NFATC1: variants seen among roughly 807,000 people sequenced by gnomAD.
NFATC1 encodes the protein nuclear factor of activated T cells 1.
A neutral mutation model predicts 76.0 loss-of-function variants in NFATC1; 22 were observed. The ratio of observed to expected loss-of-function variants is 0.29; its 90% CI spans 0.21 to 0.41. NFATC1 has a LOEUF of 0.41. Ranked by LOEUF, NFATC1 falls within the 10% of genes least tolerant of loss-of-function variation. NFATC1 has a pLI of 1.00. For synonymous variants in NFATC1, 704 were observed against 613.1 expected, an observed-to-expected ratio of 1.15 and a Z score of -2.19; for missense variants, 1,357 against 1,337.7, an observed-to-expected ratio of 1.01 and a Z score of -0.23.
At chr18:79,426,408 G>T (rs904509468) in intron 2 of NFATC1, among the ~76,000 whole-genome samples, 1 of 152,158 alleles carries the variant, frequency 6.6e-6, no homozygotes, top group South Asian at 2.1e-4. Flanking sequence ...AGGCCACGGG[G>T]GCCACTGTCC....
At chr18:79,397,695 T>A (rs1442158355) in intron 1 of NFATC1, among the ~76,000 whole-genome samples, 2 of 152,194 alleles carry the variant, frequency 1.3e-5, no homozygotes, top group Admixed American at 6.5e-5. Flanking sequence ...TACGCCGCAG[T>A]GTTCATTATC....
In NFATC1 at chr18:79,410,454, C is replaced by G; in HGVS notation, c.179C>G (p.Thr60Arg). ...GTCAGCCCCGCCCTGCCGCTCCCCA[C>G]GGCGCACTCCACCCTGCCGGCCCCG... Reference protein sequence around the residue: ...SNVSPALPLPTAHSTLPAPCH... With the variant: ...SNVSPALPLPRAHSTLPAPCH... Residue 60 changes from threonine to arginine, a missense_variant, in exon 2 of 10, where the codon ACG becomes AGG. This residue lies in a region of NFATC1 where 691 missense variants were observed against 613.1 expected (regional missense o/e 1.13). Coordinates refer to ENST00000427363, the MANE Select transcript of NFATC1 (RefSeq NM_001278669.2). The surrounding 1 kb of genome is among the most constrained non-coding windows in gnomAD (Gnocchi z 6.7). 2 of 1,612,262 alleles carry G rather than the reference C, an allele frequency of 1.2e-6. No individual in the cohort carries two copies. Among genetic ancestry groups the G allele is most frequent in the Non-Finnish European group, 1.7e-6 (2 of 1,179,792 alleles).
At chr18:79,444,389 A>G (rs1311288779) in intron 3 of NFATC1, among the ~76,000 whole-genome samples, 7 of 152,158 alleles carry the variant, frequency 4.6e-5, no homozygotes, top group Admixed American at 4.6e-4. Context: ...GGGAACCAGG[A>G]CAAGAGGTGT....
At chr18:79,400,263 GGGGGC>G (rs1184203275) in intron 1 of NFATC1, 163 of 1,169,692 alleles carry the variant, frequency 1.4e-4, no homozygotes, top group Non-Finnish European at 1.6e-4. Context: ...CCCGGGGGGC[GGGGGC>G]GGGGCGGGGA....
At chr18:79,521,469 A>G (rs1389750584) in intron 9 of NFATC1, among the ~76,000 whole-genome samples, 7 of 30,664 alleles carry the variant, frequency 2.3e-4, no homozygotes, top group East Asian at 2.5e-3. Context: ...ACTGATGTGT[A>G]TGTGTGTGTG....
rs766336119 is a variant in NFATC1, at chr18:79,486,876, C to G, written c.2721C>G (p.Ala907=). The change falls in exon 9 of 10, where the codon GCC becomes GCG. Residue 907 remains alanine (A), a synonymous_variant. Coordinates refer to ENST00000427363, the MANE Select transcript of NFATC1 (RefSeq NM_001278669.2). Reference sequence around the variant, plus strand: ...ATGAGGACGGTAGTCCTAATTTGGCCCCTATTCCTGTAACGGTCAAGCGAG... The same window carrying G: ...ATGAGGACGGTAGTCCTAATTTGGCGCCTATTCCTGTAACGGTCAAGCGAG... ...EVHEDGSPNL[A]PIPVTVKREP... is the part of the protein sequence containing the mutation. The G allele has an allele frequency of 1.9e-6, 3 of 1,611,182 alleles. No individual in the cohort carries two copies. In the Admixed American group the frequency reaches 5.0e-5, roughly 27 times the overall value.
At chr18:79,412,041 C>T (rs1293188110) in intron 2 of NFATC1, among the ~76,000 whole-genome samples, 1 of 152,254 alleles carries the variant, frequency 6.6e-6, no homozygotes. Flanking sequence ...AGCACCCAGT[C>T]CGCCACGCTT....
At chr18:79,415,527 C>G (rs1052573136) in intron 2 of NFATC1, among the ~76,000 whole-genome samples, 2 of 151,940 alleles carry the variant, frequency 1.3e-5, no homozygotes, top group African/African-American at 4.8e-5. Context: ...CGTGATCCAC[C>G]CGCCTCGGCC....
intron 2 of NFATC1, among the ~76,000 whole-genome samples, chr18:79,423,760 C>T (rs1356497166): frequency 6.6e-6 from 1 of 152,228 alleles, no homozygotes; most frequent in African/African-American, 2.4e-5. Flanking sequence ...CCGATTCCAT[C>T]TTTCCTGCTG....
At chr18:79,520,201 G>C (rs1281021764) in intron 9 of NFATC1, among the ~76,000 whole-genome samples, 1 of 139,410 alleles carries the variant, frequency 7.2e-6, no homozygotes, top group Non-Finnish European at 1.6e-5. Flanking sequence ...CACGGGAGGG[G>C]ATCCCCCGCT....
intron 2 of NFATC1, among the ~76,000 whole-genome samples, chr18:79,424,973 GTC>G (rs1316747296): frequency 2.0e-5 from 2 of 100,356 alleles, no homozygotes; most frequent in African/African-American, 5.2e-5. Context: ...CTCCGTCTCT[GTC>G]TCTCTGTCTC....
intron 9 of NFATC1, among the ~76,000 whole-genome samples, chr18:79,513,963 C>T (rs1381683896): frequency 6.6e-6 from 1 of 152,238 alleles, no homozygotes; most frequent in Admixed American, 6.5e-5. Flanking sequence ...GAGCTGGCCG[C>T]TCACTGTGCT....
chr18:79,404,176 TC>T (rs556999535), intron 1 of NFATC1, among the ~76,000 whole-genome samples: 1 of 152,200 alleles, frequency 6.6e-6, no homozygotes, highest in East Asian at 1.9e-4. Flanking sequence ...GGGGGAATAT[TC>T]CAGTACCTCT....
intron 1 of NFATC1, among the ~76,000 whole-genome samples, chr18:79,399,495 G>A (rs937406098): frequency 2.0e-5 from 3 of 152,246 alleles, no homozygotes; most frequent in Non-Finnish European, 4.4e-5. Flanking sequence ...ATGGTGCGGA[G>A]AGCCCGGGGG....
intron 4 of NFATC1, 120 bp from the exon 5 acceptor site, chr18:79,450,834 G>T (rs1173879555): frequency 1.5e-6 from 2 of 1,299,986 alleles, no homozygotes; most frequent in Non-Finnish European, 2.1e-6. Flanking sequence ...GGGGAGAGTG[G>T]CCAGCTGCCT....
chr18:79,452,329 T>C (rs167399), intron 6 of NFATC1, among the ~76,000 whole-genome samples: 151,826 of 152,292 alleles, frequency 1, 75,683 homozygotes, highest in East Asian at 1. Context: ...GTGAGGCTCT[T>C]GTGCCCCAAG....
intron 8 of NFATC1, among the ~76,000 whole-genome samples, chr18:79,485,077 CTG>C (rs1387131075): frequency 6.6e-6 from 1 of 152,250 alleles, no homozygotes; most frequent in Non-Finnish European, 1.5e-5. Context: ...GCCAGGCTCT[CTG>C]TGGTGGCGAC....
chr18:79,401,459 C>T (rs796316821), intron 1 of NFATC1, among the ~76,000 whole-genome samples: 1 of 152,250 alleles, frequency 6.6e-6, no homozygotes, highest in Non-Finnish European at 1.5e-5. Flanking sequence ...GTCTTCCCTG[C>T]CTGGGCCTGG....
At chr18:79,511,562 C>T (rs953700865) in intron 9 of NFATC1, among the ~76,000 whole-genome samples, 7 of 152,096 alleles carry the variant, frequency 4.6e-5, no homozygotes, top group South Asian at 2.1e-4. Flanking sequence ...GAAGCCTCGC[C>T]GTGCCCAGGA....
Sources: allele counts gnomAD v4.1 joint callset (sites outside exome capture counted in the v4.1 genomes callset), GRCh38; gene constraint gnomAD v4.1.1; regional missense constraint gnomAD v4.1.1; non-coding constraint Gnocchi (gnomAD v3.1); transcripts MANE v1.5; gene names NCBI Gene and HGNC (gene_info 2026-07-23, HGNC 2026-07-21).